SOWAHC: variants seen among roughly 807,000 people sequenced by gnomAD.
SOWAHC encodes the protein sosondowah ankyrin repeat domain family member C.
In SOWAHC, 12 loss-of-function variants were observed where a neutral mutation model predicts 14.4. That is an observed-to-expected ratio of 0.83 (90% CI 0.53 to 1.35). SOWAHC has a LOEUF of 1.35. Among genes scored for constraint, SOWAHC ranks in the 40% most tolerant of loss-of-function variants. SOWAHC has a pLI of 0.00. For missense variants in SOWAHC, 771 were observed against 752.8 expected (o/e 1.02, Z -0.28); for synonymous variants, 398 against 347.0 (o/e 1.15, Z -1.63).
In SOWAHC at chr2:109,615,728, G is replaced by GATCC. The variant is rs1700122724; in HGVS notation, c.1240_1241insTCCA (p.Arg414IlefsTer34). 6.2e-7 allele frequency: 1 copy of GATCC among 1,613,784 alleles called. No homozygotes were observed. Among genetic ancestry groups the GATCC allele is most frequent in the Admixed American group, 1.7e-5 (1 of 60,008 alleles). On this transcript the variant is annotated frameshift_variant, in exon 1 of 1. Coordinates refer to ENST00000356454, the MANE Select transcript of SOWAHC (RefSeq NM_023016.4). LOFTEE classifies it high-confidence loss of function. The stretch of plus-strand genomic sequence containing the variant: ...CCGCGGGTAGCGGCGGCGGGCGCTG[G>GATCC]AGGCTTTCAAAGGTGCTTCCCTCGC...
chr2:109,616,338 T>C lies in SOWAHC; in HGVS notation c.*271T>C. On this transcript the variant is annotated 3_prime_UTR_variant, in exon 1 of 1. Coordinates refer to ENST00000356454, the MANE Select transcript of SOWAHC (RefSeq NM_023016.4). ...TCTGGAGACTAGAAATGTATCTAAA[T>C]TGGGGGAACAGAATGAATGAATTAA... 6.8e-6 allele frequency: 2 copies of C among 293,832 alleles called. No individual in the cohort carries two copies. Among genetic ancestry groups the C allele is most frequent in the Non-Finnish European group, 1.3e-5 (2 of 154,772 alleles). The allele number at this position is 293,832 out of a possible 1,614,324, so 18.2% of individuals were successfully genotyped here.
In SOWAHC at chr2:109,615,258, A is replaced by AGCG; in HGVS notation, c.774_776dup (p.Gly260dup). The AGCG allele has an allele frequency of 1.3e-6, 2 of 1,562,538 alleles. No homozygotes were observed. The highest frequency in any genetic ancestry group is 1.7e-6 in the Non-Finnish European group (2 of 1,154,606). ...CTCGTCGTCCGCGGAGGAGGAGAGC[A>AGCG]GCGGCGGAGGCTCCGTGACGCTGGA... On this transcript the variant is annotated inframe_insertion, in exon 1 of 1. Transcript: ENST00000356454.
rs1046879094 is a variant in SOWAHC at position 109,616,964 on chromosome 2, A to G, written c.*897A>G. The G allele has an allele frequency of 3.6e-5, 6 of 166,908 alleles. No homozygotes were observed. The highest frequency in any genetic ancestry group is 1.4e-4 in the African/African-American group (6 of 41,458). The allele number at this position is 166,908 out of a possible 1,614,324, so 10.3% of individuals were successfully genotyped here. ...CTGAGGATTATTTAACCATTGTTCT[A>G]TTTGGCATAACCCTATTTAATGGTG... On this transcript the variant is annotated 3_prime_UTR_variant, in exon 1 of 1. Transcript: ENST00000356454.
rs1700081116 is a variant in SOWAHC at position 109,615,291 on chromosome 2, G to T, written c.802G>T (p.Glu268Ter). The T allele has an allele frequency of 1.3e-6, 2 of 1,597,014 alleles. No homozygotes were observed. Among genetic ancestry groups the T allele is most frequent in the Non-Finnish European group, 1.7e-6 (2 of 1,172,932 alleles). ...GGGSVTLDPL[E>*]HAWMLSASDG... ...AGGCTCCGTGACGCTGGACCCCCTG[G>T]AGCACGCGTGGATGCTCTCTGCCTC... The change falls in exon 1 of 1, where the codon GAG becomes TAG. Residue 268 changes from glutamate to a stop codon, truncating the protein, a stop_gained. Transcript: ENST00000356454. LOFTEE classifies it low-confidence loss of function (END_TRUNC).
In SOWAHC at chr2:109,617,856, T is replaced by A. The variant is rs1247064542; in HGVS notation, c.*1789T>A. The stretch of plus-strand genomic sequence containing the variant: ...CAACATGGTGAAAACCTGTCTCTAC[T>A]AAAAATACAAAAATTAGCCGAGCGT... On this transcript the variant is annotated 3_prime_UTR_variant, in exon 1 of 1. Coordinates refer to ENST00000356454, the MANE Select transcript of SOWAHC (RefSeq NM_023016.4). The A allele has an allele frequency of 1.3e-5, 2 of 159,150 alleles. No homozygotes were observed. Among genetic ancestry groups the A allele is most frequent in the Admixed American group, 6.6e-5 (1 of 15,250 alleles). The allele number at this position is 159,150 out of a possible 1,614,324, so 9.9% of individuals were successfully genotyped here. A position where few individuals can be genotyped will look rare whatever the true frequency, so the allele number is the denominator to read the frequency against.
Position 109,616,640 on chromosome 2 carries a change from C to T in SOWAHC, c.*573C>T, listed in dbSNP as rs933869670. The stretch of plus-strand genomic sequence containing the variant: ...ATAATGTGAATAAAATGGGAATCTT[C>T]TTGGTATTTTATGTGTATTGTAAGT... On this transcript the variant is annotated 3_prime_UTR_variant, in exon 1 of 1. Transcript: ENST00000356454. 1 of 167,002 alleles carries T rather than the reference C, an allele frequency of 6.0e-6. No individual in the cohort carries two copies. Among genetic ancestry groups the T allele is most frequent in the African/African-American group, 2.4e-5 (1 of 41,440 alleles). The allele number at this position is 167,002 out of a possible 1,614,324, so 10.3% of individuals were successfully genotyped here.
In SOWAHC at chr2:109,614,611, C is replaced by A. The variant is rs1700007420; in HGVS notation, c.122C>A (p.Ala41Asp). The change falls in exon 1 of 1, where the codon GCC (alanine) becomes GAC (aspartate). Residue 41 changes from alanine to aspartate, a missense_variant. Coordinates refer to ENST00000356454, the MANE Select transcript of SOWAHC (RefSeq NM_023016.4). The part of the protein sequence containing the change: ...HAELVQHFRG[A>D]LGGEPEQRAR... ...GAGCTGGTGCAGCACTTCAGGGGCGCCCTAGGCGGCGAACCGGAGCAGCGC... is the reference window on the plus strand; with the variant it reads ...GAGCTGGTGCAGCACTTCAGGGGCGACCTAGGCGGCGAACCGGAGCAGCGC... 3 of 1,458,586 alleles carry A rather than the reference C, an allele frequency of 2.1e-6. No individual in the cohort carries two copies. The highest frequency in any genetic ancestry group is 2.7e-6 in the Non-Finnish European group (3 of 1,109,514). 90.4% of individuals were successfully genotyped at this position (1,458,586 alleles called of 1,614,324 possible).
Position 109,615,553 on chromosome 2 carries a change from A to C in SOWAHC, c.1064A>C (p.Glu355Ala). ...TTGGCAGCCATGCACGGCCACGTGGAGGTGGTGAAGCTGCTGGTGGGGGCC... is the reference window on the plus strand; with the variant it reads ...TTGGCAGCCATGCACGGCCACGTGGCGGTGGTGAAGCTGCTGGTGGGGGCC... The part of the protein sequence containing the change: ...LHLAAMHGHV[E>A]VVKLLVGAYD... Residue 355 changes from glutamate to alanine, a missense_variant, in exon 1 of 1, where the codon GAG becomes GCG. Transcript: ENST00000356454. 1 of 1,613,946 alleles carries C rather than the reference A, an allele frequency of 6.2e-7. No homozygotes were observed. The highest frequency in any genetic ancestry group is 8.5e-7 in the Non-Finnish European group (1 of 1,180,030).
chr2:109,615,260 C>A lies in SOWAHC; in HGVS notation c.771C>A (p.Ser257Arg), dbSNP rs1409050201. 3 of 1,563,588 alleles carry A rather than the reference C, an allele frequency of 1.9e-6. No homozygotes were observed. Among genetic ancestry groups the A allele is most frequent in the Non-Finnish European group, 2.6e-6 (3 of 1,155,318 alleles). ...VASSSAEEES[S>R]GGGSVTLDPL... is the part of the protein sequence containing the mutation. ...CGTCGTCCGCGGAGGAGGAGAGCAGCGGCGGAGGCTCCGTGACGCTGGACC... is the reference window on the plus strand; with the variant it reads ...CGTCGTCCGCGGAGGAGGAGAGCAGAGGCGGAGGCTCCGTGACGCTGGACC... The change falls in exon 1 of 1, where the codon AGC becomes AGA. Residue 257 changes from serine (S) to arginine (R), a missense_variant. Physicochemically the swap from Ser to Arg is moderately radical, Grantham distance 110 (BLOSUM62 -1). Transcript: ENST00000356454.
At position 109,615,666 on chromosome 2, in the gene SOWAHC, C is replaced by T. The variant is rs764163690; in HGVS notation, c.1177C>T (p.Leu393=). The change falls in exon 1 of 1, where the codon CTG becomes TTG. Residue 393 remains leucine (L), a synonymous_variant. Coordinates refer to ENST00000356454, the MANE Select transcript of SOWAHC (RefSeq NM_023016.4). The part of the protein sequence containing the change: ...SRSIAEEIKN[L]VGALDEGDGE... The stretch of plus-strand genomic sequence containing the variant: ...GAGCATCGCCGAGGAGATCAAGAAC[C>T]TGGTGGGAGCCCTGGACGAGGGTGA... 2.5e-6 allele frequency: 4 copies of T among 1,614,154 alleles called. No homozygotes were observed. In the African/African-American group the frequency reaches 4.0e-5, roughly 16 times the overall value.
chr2:109,615,985 G>A lies in SOWAHC; in HGVS notation c.1496G>A (p.Gly499Glu). 8.4e-6 allele frequency: 13 copies of A among 1,553,956 alleles called. No individual in the cohort carries two copies. The highest frequency in any genetic ancestry group is 1.1e-5 in the Non-Finnish European group (13 of 1,153,138). The change falls in exon 1 of 1, where the codon GGG becomes GAG. Residue 499 changes from glycine (G) to glutamate (E), a missense_variant. By Grantham distance (98) the Gly-to-Glu change is moderately conservative (BLOSUM62 -2). Coordinates refer to ENST00000356454, the MANE Select transcript of SOWAHC (RefSeq NM_023016.4). ...CCAGAGCAGCCGCTGGAGGGCAGGG[G>A]GGAGGAGGGAGTGGGGGAGGAACGA... ...RDPEQPLEGRGEEGVGEERPV... is the reference protein window; with the variant it reads ...RDPEQPLEGREEEGVGEERPV...
chr2:109,615,203 C>T lies in SOWAHC; in HGVS notation c.714C>T (p.Gly238=). ...CCTCCGGGGGAGGACGCGGCAGAGGCGGGGGCGACTCAGACAGCGCATCGG... is the reference window on the plus strand; with the variant it reads ...CCTCCGGGGGAGGACGCGGCAGAGGTGGGGGCGACTCAGACAGCGCATCGG... ...GSSSGGGRGR[G]GGDSDSASVA... Residue 238 remains glycine, a synonymous_variant, in exon 1 of 1, where the codon GGC becomes GGT. Transcript: ENST00000356454. The T allele has an allele frequency of 1.3e-6, 2 of 1,547,056 alleles. No homozygotes were observed. The highest frequency in any genetic ancestry group is 1.7e-6 in the Non-Finnish European group (2 of 1,146,604).
chr2:109,614,859 C>T lies in SOWAHC; in HGVS notation c.370C>T (p.Pro124Ser). The change falls in exon 1 of 1, where the codon CCG becomes TCG. Residue 124 changes from proline to serine, a missense_variant. By Grantham distance (74) the Pro-to-Ser change is moderately conservative. Transcript: ENST00000356454. ...CGATCGGCTCCCCGACGCGGCGGCC[C>T]CGGAGTCGCTCCCTGGACAGGGCCG... ...ARDRLPDAAA[P>S]ESLPGQGREL... 3 of 1,401,338 alleles carry T rather than the reference C, an allele frequency of 2.1e-6. No homozygotes were observed. The highest frequency in any genetic ancestry group is 2.8e-6 in the Non-Finnish European group (3 of 1,089,014). The allele number at this position is 1,401,338 out of a possible 1,614,324, so 86.8% of individuals were successfully genotyped here. A position where few individuals can be genotyped will look rare whatever the true frequency, so the allele number is the denominator to read the frequency against.
In SOWAHC at chr2:109,614,409, C is replaced by T. The variant is rs1233041604; in HGVS notation, c.-81C>T. 3 of 1,052,140 alleles carry T rather than the reference C, an allele frequency of 2.9e-6. No individual in the cohort carries two copies. The highest frequency in any genetic ancestry group is 3.6e-5 in the East Asian group (1 of 27,400). The allele number at this position is 1,052,140 out of a possible 1,614,324, so 65.2% of individuals were successfully genotyped here. A position where few individuals can be genotyped will look rare whatever the true frequency, so the allele number is the denominator to read the frequency against. On this transcript the variant is annotated 5_prime_UTR_variant, in exon 1 of 1. Coordinates refer to ENST00000356454, the MANE Select transcript of SOWAHC (RefSeq NM_023016.4). ...CGCTGAGCCCGCCAGACTCCGCCGCCGTCGGGAGCCGGCCGCTGGGAGCCC... is the reference window on the plus strand; with the variant it reads ...CGCTGAGCCCGCCAGACTCCGCCGCTGTCGGGAGCCGGCCGCTGGGAGCCC...
chr2:109,615,821 G>C lies in SOWAHC; in HGVS notation c.1332G>C (p.Ser444=), dbSNP rs141926388. 4.3e-6 allele frequency: 7 copies of C among 1,614,022 alleles called. No individual in the cohort carries two copies. The African/African-American group carries it at 8.0e-5, about 18-fold the overall frequency. ...DGGDHHHHHH[S]AEGWVGGKAK... ...GGGACCATCACCACCATCACCACTCGGCTGAGGGGTGGGTCGGAGGCAAAG... is the reference window on the plus strand; with the variant it reads ...GGGACCATCACCACCATCACCACTCCGCTGAGGGGTGGGTCGGAGGCAAAG... Residue 444 remains serine, a synonymous_variant, in exon 1 of 1, where the codon TCG becomes TCC. Transcript: ENST00000356454.
rs1310225407 is a variant in SOWAHC at position 109,615,079 on chromosome 2, C to T, written c.590C>T (p.Ala197Val). ...GGCAGCTCCCTTGTGGGGGCTACCG[C>T]ACAGAGGCCGGCCCGCCAGAACCTC... ...DRGSSLVGAT[A>V]QRPARQNLRD... Residue 197 changes from alanine (A) to valine (V), a missense_variant, in exon 1 of 1, where the codon GCA becomes GTA. Ala to Val is a moderately conservative substitution (Grantham distance 64, BLOSUM62 0). Transcript: ENST00000356454. 6.5e-7 allele frequency: 1 copy of T among 1,549,546 alleles called. No individual in the cohort carries two copies. The highest frequency in any genetic ancestry group is 8.7e-7 in the Non-Finnish European group (1 of 1,146,768).
Position 109,615,221 on chromosome 2 carries a change from C to G in SOWAHC, c.732C>G (p.Ser244Arg). 1 of 1,546,830 alleles carries G rather than the reference C, an allele frequency of 6.5e-7. No individual in the cohort carries two copies. Among genetic ancestry groups the G allele is most frequent in the Non-Finnish European group, 8.7e-7 (1 of 1,146,684 alleles). The change falls in exon 1 of 1, where the codon AGC (serine) becomes AGG (arginine). Residue 244 changes from serine (S) to arginine (R), a missense_variant. Ser to Arg is a moderately radical substitution (Grantham distance 110). Coordinates refer to ENST00000356454, the MANE Select transcript of SOWAHC (RefSeq NM_023016.4). ...GCAGAGGCGGGGGCGACTCAGACAG[C>G]GCATCGGTGGCCTCGTCGTCCGCGG... ...GRGRGGGDSD[S>R]ASVASSSAEE... is the part of the protein sequence containing the mutation.
In SOWAHC at chr2:109,615,160, G is replaced by A; in HGVS notation, c.671G>A (p.Gly224Asp). The A allele has an allele frequency of 6.5e-7, 1 of 1,549,248 alleles. No individual in the cohort carries two copies. Among genetic ancestry groups the A allele is most frequent in the Admixed American group, 2.0e-5 (1 of 51,002 alleles). The change falls in exon 1 of 1, where the codon GGC (glycine) becomes GAC (aspartate). Residue 224 changes from glycine (G) to aspartate (D), a missense_variant. Transcript: ENST00000356454. Reference protein sequence around the residue: ...PQLKRSVCPGGSSPGSSSGGG... With the variant: ...PQLKRSVCPGDSSPGSSSGGG... ...CTGAAGAGGAGCGTGTGTCCCGGGG[G>A]CAGCAGCCCGGGCAGCTCCTCCGGG...
At position 109,614,416 on chromosome 2, in the gene SOWAHC, A is replaced by T. The variant is rs1699986791; in HGVS notation, c.-74A>T. 1 of 1,089,708 alleles carries T rather than the reference A, an allele frequency of 9.2e-7. No homozygotes were observed. Among genetic ancestry groups the T allele is most frequent in the Admixed American group, 4.5e-5 (1 of 22,360 alleles). The allele number at this position is 1,089,708 out of a possible 1,614,324, so 67.5% of individuals were successfully genotyped here. A position where few individuals can be genotyped will look rare whatever the true frequency, so the allele number is the denominator to read the frequency against. On this transcript the variant is annotated 5_prime_UTR_variant, in exon 1 of 1. Coordinates refer to ENST00000356454, the MANE Select transcript of SOWAHC (RefSeq NM_023016.4). ...CCCGCCAGACTCCGCCGCCGTCGGG[A>T]GCCGGCCGCTGGGAGCCCGTCGCTA... is the stretch of plus-strand genomic sequence containing the variant.
Sources: allele counts gnomAD v4.1 joint callset, GRCh38; gene constraint gnomAD v4.1.1; transcripts MANE v1.5; gene names NCBI Gene and HGNC (gene_info 2026-07-23, HGNC 2026-07-21).